The following FOXO3 variants were observed in gnomAD, a reference collection of about 807,000 sequenced individuals.
The protein encoded by FOXO3 is forkhead box protein O3.
FOXO3 carries 4 observed loss-of-function variants against 41.9 expected under a neutral mutation model. The observed-to-expected ratio is 0.10, with a 90% confidence interval of 0.05 to 0.22. The LOEUF is 0.22. Ranked by LOEUF, FOXO3 falls within the 10% of genes least tolerant of loss-of-function variation. The pLI, the probability that FOXO3 is intolerant of heterozygous loss-of-function variation, is 1.00. For synonymous variants in FOXO3, 318 were observed against 389.3 expected (o/e 0.82, Z 2.16); for missense variants, 534 against 906.8 (o/e 0.59, Z 5.28).
chr6:108,588,202 G>A (rs151084135), intron 1 of FOXO3, among the ~76,000 whole-genome samples: 1 of 152,168 alleles, frequency 6.6e-6, no homozygotes, highest in African/African-American at 2.4e-5. Flanking sequence ...CATAAAGTGT[G>A]TGTTGTTTTT....
In FOXO3 at chr6:108,590,444, C is replaced by A. The variant is rs78524644; in HGVS notation, c.621+28615C>A. ...CTCATGTAAGGGGTTGCAGTCAAAA[C>A]TTTGTTCTGTGCACGAAATTATTTA... On this transcript the variant is annotated intron_variant, in intron 1 of 2. Transcript: ENST00000406360. Among the ~76,000 whole-genome samples, 39 of 152,300 alleles carry A rather than the reference C, an allele frequency of 2.6e-4. No homozygotes were observed. In the East Asian group the frequency reaches 6.7e-3, roughly 26 times the overall value.
At chr6:108,623,762 A>G (rs1777736081) in intron 1 of FOXO3, among the ~76,000 whole-genome samples, 1 of 152,212 alleles carries the variant, frequency 6.6e-6, no homozygotes, top group Non-Finnish European at 1.5e-5. Flanking sequence ...TTAGCTATGC[A>G]TTCATAAACT....
At chr6:108,655,449 A>G (rs540320749) in intron 1 of FOXO3, among the ~76,000 whole-genome samples, 1 of 152,320 alleles carries the variant, frequency 6.6e-6, no homozygotes, top group South Asian at 2.1e-4. Flanking sequence ...TTAGATTGGA[A>G]TCAGATCCTC....
chr6:108,573,723 G>A (rs1337975805), intron 1 of FOXO3, among the ~76,000 whole-genome samples: 1 of 152,038 alleles, frequency 6.6e-6, no homozygotes, highest in Non-Finnish European at 1.5e-5. Flanking sequence ...CAGCTACTCA[G>A]GAGGCTGAAG....
intron 1 of FOXO3, among the ~76,000 whole-genome samples, chr6:108,580,304 T>G (rs1340590205): frequency 6.8e-6 from 1 of 146,112 alleles, no homozygotes; most frequent in African/African-American, 2.5e-5. Context: ...TTTACTTGCC[T>G]CAGGCTCCCA....
intron 1 of FOXO3, among the ~76,000 whole-genome samples, chr6:108,658,084 A>G (rs898417175): frequency 1.3e-5 from 2 of 152,182 alleles, no homozygotes; most frequent in African/African-American, 4.8e-5. Flanking sequence ...TGGTCCTGGA[A>G]CCAGTCCCCT....
At chr6:108,590,551 C>T (rs1040962421) in intron 1 of FOXO3, among the ~76,000 whole-genome samples, 8 of 152,014 alleles carry the variant, frequency 5.3e-5, no homozygotes, top group South Asian at 2.1e-4. Flanking sequence ...AAACCTGGGT[C>T]GTATCCCTAA....
intron 1 of FOXO3, among the ~76,000 whole-genome samples, chr6:108,622,221 T>A (rs559089084): frequency 7.5e-6 from 1 of 132,882 alleles, no homozygotes; most frequent in East Asian, 2.2e-4. Flanking sequence ...ATCATGCCAC[T>A]GCACTCCAGC....
chr6:108,672,176 G>A (rs781250991), intron 2 of FOXO3, among the ~76,000 whole-genome samples: 34 of 152,200 alleles, frequency 2.2e-4, no homozygotes, highest in Non-Finnish European at 3.8e-4. Context: ...GAGATAAAGA[G>A]CCATTGCAGT....
chr6:108,587,269 C>T (rs1399747154), intron 1 of FOXO3, among the ~76,000 whole-genome samples: 1 of 152,114 alleles, frequency 6.6e-6, no homozygotes, highest in African/African-American at 2.4e-5. Flanking sequence ...CTAGTTTTCT[C>T]ACCTCTACCA....
intron 1 of FOXO3, among the ~76,000 whole-genome samples, chr6:108,563,089 A>G (rs1775860230): frequency 6.6e-6 from 1 of 152,054 alleles, no homozygotes; most frequent in African/African-American, 2.4e-5. Flanking sequence ...CCTGGGTTTC[A>G]GGAGGTATAA....
chr6:108,608,272 CTG>C (rs1777264593), intron 1 of FOXO3, among the ~76,000 whole-genome samples: 1 of 152,158 alleles, frequency 6.6e-6, no homozygotes, highest in African/African-American at 2.4e-5. Context: ...CTTTGAAAAA[CTG>C]ATGCTTGGAT....
intron 1 of FOXO3, among the ~76,000 whole-genome samples, chr6:108,575,618 A>G (rs1776241620): frequency 6.6e-6 from 1 of 152,200 alleles, no homozygotes; most frequent in African/African-American, 2.4e-5. Context: ...TTTCCAAACC[A>G]AGGACTTGTT....
intron 1 of FOXO3, among the ~76,000 whole-genome samples, chr6:108,577,339 G>A (rs1263764702): frequency 6.6e-6 from 1 of 152,194 alleles, no homozygotes; most frequent in East Asian, 1.9e-4. Flanking sequence ...CCAACATTGA[G>A]TTGATCTCTA....
Position 108,562,977 on chromosome 6 carries a change from A to G in FOXO3, c.621+1148A>G, listed in dbSNP as rs150852420. Among the ~76,000 whole-genome samples, 257 of 152,078 alleles carry G rather than the reference A, an allele frequency of 1.7e-3. 2 individuals carry two copies. Among genetic ancestry groups the G allele is most frequent in the African/African-American group, 5.9e-3 (244 of 41,456 alleles). On this transcript the variant is annotated intron_variant, in intron 1 of 2. Transcript: ENST00000406360. Reference sequence around the variant, plus strand: ...TATACATCTCTTATCAGCTGCCCATATTTGCAATTTAGCTTAGATTTTTTT... The same window carrying G: ...TATACATCTCTTATCAGCTGCCCATGTTTGCAATTTAGCTTAGATTTTTTT...
chr6:108,666,474 T>C (rs1416545272), intron 2 of FOXO3, among the ~76,000 whole-genome samples: 3 of 151,536 alleles, frequency 2.0e-5, no homozygotes, highest in Non-Finnish European at 4.4e-5. Context: ...TAGCTGGGAC[T>C]ACAGGCGCCC....
chr6:108,654,505 GT>G (rs1778632521), intron 1 of FOXO3, among the ~76,000 whole-genome samples: 1 of 152,008 alleles, frequency 6.6e-6, no homozygotes, highest in South Asian at 2.1e-4. Flanking sequence ...GTCTCATTTT[GT>G]TTGGATAGAA....
intron 1 of FOXO3, among the ~76,000 whole-genome samples, chr6:108,603,320 G>A (rs1327784426): frequency 3.3e-5 from 5 of 152,062 alleles, no homozygotes; most frequent in Non-Finnish European, 7.4e-5. Context: ...AGCAGAATCT[G>A]GCATTTCTCT....
chr6:108,571,779 C>T (rs967697508), intron 1 of FOXO3, among the ~76,000 whole-genome samples: 1 of 152,050 alleles, frequency 6.6e-6, no homozygotes, highest in African/African-American at 2.4e-5. Flanking sequence ...TGTTTTAAGC[C>T]CTGAAATTCA....
Sources: allele counts gnomAD v4.1 joint callset (sites outside exome capture counted in the v4.1 genomes callset), GRCh38; gene constraint gnomAD v4.1.1; transcripts MANE v1.5; gene names NCBI Gene and HGNC (gene_info 2026-07-23, HGNC 2026-07-21).